Variants in SLCO6A1 observed in about 807,000 individuals in gnomAD.
SLCO6A1 encodes solute carrier organic anion transporter family member 6A1.
Under a neutral mutation model 72.7 loss-of-function variants are expected in SLCO6A1, and 65 were observed. The ratio of observed to expected loss-of-function variants is 0.89; its 90% CI spans 0.73 to 1.10. The LOEUF is 1.10. Ranked by LOEUF, SLCO6A1 falls within the 50% of genes least tolerant of loss-of-function variation. SLCO6A1 has a pLI of 0.00. For missense variants in SLCO6A1, 874 were observed against 872.6 expected, an observed-to-expected ratio of 1.00 and a Z score of -0.02; for synonymous variants, 314 against 298.2, an observed-to-expected ratio of 1.05 and a Z score of -0.55.
At chr5:102,390,139 A>C (rs1746672793) in intron 11 of SLCO6A1, among the ~76,000 whole-genome samples, 2 of 152,192 alleles carry the variant, frequency 1.3e-5, no homozygotes, top group South Asian at 4.1e-4. Flanking sequence ...GTTTATGTCT[A>C]TAATATTTAA....
Position 102,463,896 on chromosome 5 carries a change from G to GAAAAAAA in SLCO6A1, c.900-4126_900-4120dup, listed in dbSNP as rs397697671. On this transcript the variant is annotated intron_variant, in intron 4 of 13. Transcript: ENST00000506729. Reference sequence around the variant, plus strand: ...AGTGAAACTCCGTCTCAAAAAAGAAGAAAAAAAAAAAAAAACAGGAACAAA... The same window carrying GAAAAAAA: ...AGTGAAACTCCGTCTCAAAAAAGAAGAAAAAAAAAAAAAAAAAAAAAACAGGAACAAA... Among the ~76,000 whole-genome samples the GAAAAAAA allele has an allele frequency of 1.8e-3, 251 of 137,062 alleles. 1 individual carries two copies. Among genetic ancestry groups the GAAAAAAA allele is most frequent in the African/African-American group, 6.7e-3 (241 of 36,004 alleles). 89.9% of individuals were successfully genotyped at this position (137,062 alleles called of 152,430 possible).
intron 12 of SLCO6A1, among the ~76,000 whole-genome samples, chr5:102,387,199 A>C (rs890867841): frequency 2.6e-5 from 4 of 152,178 alleles, no homozygotes; most frequent in African/African-American, 7.2e-5. Flanking sequence ...TAAGAACACC[A>C]AGTGATTTTG....
intron 8 of SLCO6A1, among the ~76,000 whole-genome samples, chr5:102,419,460 G>T (rs564698875): frequency 1.3e-5 from 2 of 152,222 alleles, no homozygotes; most frequent in East Asian, 3.9e-4. Flanking sequence ...TTCATTCTTT[G>T]ATGTCTATAA....
At chr5:102,424,777 C>T (rs1748798985) in intron 7 of SLCO6A1, among the ~76,000 whole-genome samples, 1 of 152,064 alleles carries the variant, frequency 6.6e-6, no homozygotes, top group African/African-American at 2.4e-5. Context: ...TTTATGAGGC[C>T]AGCATCATCC....
chr5:102,477,185 G>C (rs62371032), intron 3 of SLCO6A1, among the ~76,000 whole-genome samples: 35,018 of 151,976 alleles, frequency 0.23, 4,686 homozygotes, highest in South Asian at 0.34. Context: ...GCAATGGTAC[G>C]ATCTTGGCTC....
At chr5:102,447,839 G>T (rs999229936) in intron 6 of SLCO6A1, among the ~76,000 whole-genome samples, 2 of 151,922 alleles carry the variant, frequency 1.3e-5, no homozygotes, top group African/African-American at 4.8e-5. Context: ...TCATTTCATT[G>T]ATCTTTTTAT....
At chr5:102,425,076 AT>A (rs1486079344) in intron 7 of SLCO6A1, among the ~76,000 whole-genome samples, 1 of 152,200 alleles carries the variant, frequency 6.6e-6, no homozygotes, top group African/African-American at 2.4e-5. Context: ...ACACCCCTTC[AT>A]GCTAAAAACA....
chr5:102,479,218 A>G (rs558647884), intron 2 of SLCO6A1, among the ~76,000 whole-genome samples: 11 of 151,836 alleles, frequency 7.2e-5, no homozygotes, highest in Admixed American at 5.3e-4. Flanking sequence ...AGTGTGTAAC[A>G]CTCCCCACGT....
chr5:102,439,333 T>C (rs1474300463), intron 6 of SLCO6A1, among the ~76,000 whole-genome samples: 2 of 152,124 alleles, frequency 1.3e-5, no homozygotes, highest in East Asian at 1.9e-4. Flanking sequence ...TGATGGTTTA[T>C]TATTATCTAA....
intron 6 of SLCO6A1, 85 bp downstream of exon 6, chr5:102,458,297 T>C: frequency 2.0e-6 from 2 of 1,017,138 alleles, no homozygotes; most frequent in Non-Finnish European, 2.9e-6. Flanking sequence ...GGTTGAACCC[T>C]TTATGGGTAT....
In SLCO6A1 at chr5:102,465,745, C is replaced by T. The variant is rs541191023; in HGVS notation, c.900-5968G>A. On this transcript the variant is annotated intron_variant, in intron 4 of 13. Transcript: ENST00000506729. ...ATCTATCATATGAATACCTTACCCT[C>T]AGTTAGCACCTTGGTTGGAAAGAAT... is the stretch of plus-strand genomic sequence containing the variant. 1.0e-3 allele frequency among the ~76,000 whole-genome samples: 154 copies of T among 152,242 alleles called. 1 individual carries two copies. The highest frequency in any genetic ancestry group is 1.4e-3 in the Non-Finnish European group (97 of 68,008).
intron 6 of SLCO6A1, among the ~76,000 whole-genome samples, chr5:102,447,197 C>T (rs1190166646): frequency 6.6e-6 from 1 of 152,200 alleles, no homozygotes; most frequent in East Asian, 1.9e-4. Flanking sequence ...ACCAACCTTG[C>T]ATCCCAGAAA....
intron 4 of SLCO6A1, among the ~76,000 whole-genome samples, chr5:102,461,138 A>G (rs1265416529): frequency 1.3e-5 from 2 of 151,766 alleles, no homozygotes; most frequent in South Asian, 4.2e-4. Flanking sequence ...CGGAAGAGGT[A>G]GGGAAATCAA....
Position 102,477,876 on chromosome 5 carries a change from A to C in SLCO6A1, c.617-15T>G, listed in dbSNP as rs1440046885. ...TTCGCAAATATCTTTTGAAAATACA[A>C]TGATTATATTTTTGTTAATTGAACT... On this transcript the variant is annotated splice_polypyrimidine_tract_variant and intron_variant, in intron 2 of 13. Coordinates refer to ENST00000506729, the MANE Select transcript of SLCO6A1 (RefSeq NM_173488.5). The C allele has an allele frequency of 1.3e-6, 2 of 1,583,206 alleles. No individual in the cohort carries two copies. Among genetic ancestry groups the C allele is most frequent in the Non-Finnish European group, 1.7e-6 (2 of 1,162,118 alleles).
intron 6 of SLCO6A1, among the ~76,000 whole-genome samples, chr5:102,444,182 T>C (rs77625476): frequency 0.054 from 8,244 of 152,110 alleles, 737 homozygotes; most frequent in African/African-American, 0.19. Flanking sequence ...AGTCCTCTAA[T>C]AGAAGTCAAA....
intron 6 of SLCO6A1, 104 bp from the exon 7 acceptor site, chr5:102,438,865 C>T: frequency 2.8e-6 from 2 of 714,648 alleles, no homozygotes; most frequent in Non-Finnish European, 4.1e-6. Context: ...TTACCATTCC[C>T]AATCTAAACT....
chr5:102,480,140 T>C (rs574089603), intron 2 of SLCO6A1, 37 bp downstream of exon 2: 2 of 1,533,154 alleles, frequency 1.3e-6, no homozygotes, highest in East Asian at 2.3e-5. Context: ...TGAATGAATA[T>C]TGATTTGATG....
chr5:102,464,436 A>G (rs1751210542), intron 4 of SLCO6A1, among the ~76,000 whole-genome samples: 1 of 152,162 alleles, frequency 6.6e-6, no homozygotes, highest in African/African-American at 2.4e-5. Flanking sequence ...ACAGGAAATA[A>G]GAAGCAAATT....
At chr5:102,419,117 T>C (rs530438608) in intron 8 of SLCO6A1, among the ~76,000 whole-genome samples, 48 of 152,270 alleles carry the variant, frequency 3.2e-4, no homozygotes, top group African/African-American at 1.1e-3. Flanking sequence ...TGCAAAAAGT[T>C]GCCCCTCCTC....
Sources: allele counts gnomAD v4.1 joint callset (sites outside exome capture counted in the v4.1 genomes callset), GRCh38; gene constraint gnomAD v4.1.1; transcripts MANE v1.5; gene names NCBI Gene and HGNC (gene_info 2026-07-23, HGNC 2026-07-21).